Variants in PLXNA4 observed in about 807,000 individuals in gnomAD.
PLXNA4 encodes the protein plexin A4.
Under a neutral mutation model 191.8 loss-of-function variants are expected in PLXNA4, and 44 were observed. The ratio of observed to expected loss-of-function variants is 0.23; its 90% CI spans 0.18 to 0.29. PLXNA4 has a LOEUF of 0.29. Among genes scored for constraint, PLXNA4 ranks in the 10% least tolerant of loss-of-function variants. The probability of loss-of-function intolerance (pLI) is 1.00; values close to 1 mark genes in which losing one functional copy is unlikely to be tolerated. For synonymous variants in PLXNA4, 1,082 were observed against 1,009.5 expected (o/e 1.07, Z -1.36); for missense variants, 1,800 against 2,488.8 (o/e 0.72, Z 5.89).
chr7:132,234,775 C>G (rs1367154612), intron 5 of PLXNA4, among the ~76,000 whole-genome samples: 1 of 152,042 alleles, frequency 6.6e-6, no homozygotes, highest in East Asian at 1.9e-4. Context: ...TTCTTTGGAA[C>G]AGAGGCTGAT....
chr7:132,177,765 A>G (rs1712663916), intron 20 of PLXNA4, among the ~76,000 whole-genome samples: 1 of 152,240 alleles, frequency 6.6e-6, no homozygotes, highest in Non-Finnish European at 1.5e-5. Context: ...GAAAGAGTAC[A>G]TTGCGGAGAA....
At chr7:132,379,316 G>A (rs1342996318) in intron 3 of PLXNA4, among the ~76,000 whole-genome samples, 1 of 152,176 alleles carries the variant, frequency 6.6e-6, no homozygotes, top group Non-Finnish European at 1.5e-5. Flanking sequence ...ATTACACCAG[G>A]CAGTGTCTCA....
At chr7:132,578,172 C>T (rs1802329135), upstream of PLXNA4, among the ~76,000 whole-genome samples, 2 of 152,108 alleles carry the variant, frequency 1.3e-5, no homozygotes, top group South Asian at 4.2e-4. Context: ...CCTAGATCCC[C>T]CTAGGAATGG....
chr7:132,462,246 A>C (rs1459139400), intron 3 of PLXNA4, among the ~76,000 whole-genome samples: 1 of 152,202 alleles, frequency 6.6e-6, no homozygotes, highest in East Asian at 1.9e-4. Context: ...AACCACTATT[A>C]GGTTAAAATA....
chr7:132,449,705 G>A (rs893862710), intron 3 of PLXNA4, among the ~76,000 whole-genome samples: 1 of 152,208 alleles, frequency 6.6e-6, no homozygotes, highest in African/African-American at 2.4e-5. Context: ...AGAACCAGAG[G>A]CAAAGCACCT....
At chr7:132,613,626 A>G (rs547690465) in intron 2 of PLXNA4, among the ~76,000 whole-genome samples, 2 of 152,274 alleles carry the variant, frequency 1.3e-5, no homozygotes, top group South Asian at 4.1e-4. Flanking sequence ...GGTGATGGAG[A>G]AAACTGGAAC....
chr7:132,375,989 A>G (rs976873676), intron 3 of PLXNA4, among the ~76,000 whole-genome samples: 1 of 152,202 alleles, frequency 6.6e-6, no homozygotes, highest in African/African-American at 2.4e-5. Context: ...GTAGAGTTTG[A>G]GTCCCAACGC....
intron 3 of PLXNA4, among the ~76,000 whole-genome samples, chr7:132,351,355 A>G (rs974163319): frequency 2.6e-5 from 4 of 152,106 alleles, no homozygotes; most frequent in Non-Finnish European, 5.9e-5. Flanking sequence ...AAATTCAAAA[A>G]CTCTGCTTTT....
At chr7:132,356,648 T>C (rs1309625340) in intron 3 of PLXNA4, among the ~76,000 whole-genome samples, 2 of 152,246 alleles carry the variant, frequency 1.3e-5, no homozygotes, top group Non-Finnish European at 2.9e-5. Flanking sequence ...ATTATGGACC[T>C]AACCATGCCA....
chr7:132,528,140 G>A (rs1456747066), intron 1 of PLXNA4, among the ~76,000 whole-genome samples: 3 of 152,182 alleles, frequency 2.0e-5, no homozygotes, highest in African/African-American at 4.8e-5. Flanking sequence ...ACTCGGGATG[G>A]TCGGCTCGGA....
At position 132,143,188 on chromosome 7, in the gene PLXNA4, T is replaced by A. The variant is rs566590571; in HGVS notation, c.5225+1931A>T. Among the ~76,000 whole-genome samples, 6 of 152,216 alleles carry A rather than the reference T, an allele frequency of 3.9e-5. No individual in the cohort carries two copies. In the South Asian group the frequency reaches 1.2e-3, roughly 32 times the overall value. ...TCCATCAGAGACAATTAACTCCAAG[T>A]CAATATGCAGATCTTAAAATTCCCA... On this transcript the variant is annotated intron_variant, in intron 29 of 31. Coordinates refer to ENST00000321063, the MANE Select transcript of PLXNA4 (RefSeq NM_020911.2).
intron 3 of PLXNA4, among the ~76,000 whole-genome samples, chr7:132,299,329 T>C (rs1801221124): frequency 6.6e-6 from 1 of 152,204 alleles, no homozygotes; most frequent in Admixed American, 6.5e-5. Flanking sequence ...TAATTTTTAA[T>C]GTATAATTTT....
intron 3 of PLXNA4, among the ~76,000 whole-genome samples, chr7:132,471,079 G>C (rs1008260981): frequency 1.3e-5 from 2 of 152,112 alleles, no homozygotes; most frequent in Non-Finnish European, 2.9e-5. Context: ...CGCTTGGTGC[G>C]GTTTTTGTGA....
intron 1 of PLXNA4, among the ~76,000 whole-genome samples, chr7:132,519,338 G>T (rs939039828): frequency 6.6e-6 from 1 of 152,166 alleles, no homozygotes; most frequent in Non-Finnish European, 1.5e-5. Flanking sequence ...CTTCAAAGGG[G>T]ACCCAATGGC....
At chr7:132,135,358 C>A (rs1282167555) in intron 30 of PLXNA4, among the ~76,000 whole-genome samples, 1 of 152,192 alleles carries the variant, frequency 6.6e-6, no homozygotes, top group African/African-American at 2.4e-5. Context: ...CCCAGGTTCC[C>A]ATGGAAAGGA....
chr7:132,332,369 T>C lies in PLXNA4; in HGVS notation c.1372-34147A>G, dbSNP rs573254654. Among the ~76,000 whole-genome samples the C allele has an allele frequency of 1.6e-4, 25 of 152,306 alleles. No individual in the cohort carries two copies. The East Asian group carries it at 3.5e-3, about 21-fold the overall frequency. ...GTCCTTTTGTGACTACTGGTCTTCA[T>C]GGCTATGTTTGGAAGCAAGAACATC... On this transcript the variant is annotated intron_variant, in intron 3 of 31. Coordinates refer to ENST00000321063, the MANE Select transcript of PLXNA4 (RefSeq NM_020911.2).
chr7:132,279,440 G>A (rs1263258579), intron 4 of PLXNA4, among the ~76,000 whole-genome samples: 1 of 152,086 alleles, frequency 6.6e-6, no homozygotes, highest in Non-Finnish European at 1.5e-5. Flanking sequence ...ACCAGCCTGG[G>A]CAACATAGTG....
At chr7:132,411,130 G>C (rs1233963031) in intron 3 of PLXNA4, among the ~76,000 whole-genome samples, 1 of 152,212 alleles carries the variant, frequency 6.6e-6, no homozygotes, top group East Asian at 1.9e-4. Context: ...AATGTATTCA[G>C]AGCTGGCAGA....
At chr7:132,623,049 T>G (rs1286385832) in intron 2 of PLXNA4, among the ~76,000 whole-genome samples, 1 of 152,094 alleles carries the variant, frequency 6.6e-6, no homozygotes, top group Non-Finnish European at 1.5e-5. Flanking sequence ...CCATTGGGTA[T>G]AAGAACTAAA....
Sources: allele counts gnomAD v4.1 joint callset (sites outside exome capture counted in the v4.1 genomes callset), GRCh38; gene constraint gnomAD v4.1.1; transcripts MANE v1.5; gene names NCBI Gene and HGNC (gene_info 2026-07-23, HGNC 2026-07-21).